Variants in RNF115 observed in about 807,000 individuals in gnomAD.
RNF115 encodes ring finger protein 115.
In RNF115, 31 loss-of-function variants were observed where a neutral mutation model predicts 39.2. The observed-to-expected ratio is 0.79, with a 90% CI of 0.59 to 1.07. The LOEUF (loss-of-function observed/expected upper bound fraction) is 1.07. RNF115 is among the 50% of genes least tolerant of loss of function. RNF115 has a pLI of 0.00. For synonymous variants in RNF115, 124 were observed against 131.0 expected, an observed-to-expected ratio of 0.95 and a Z score of 0.37; for missense variants, 384 against 381.7, an observed-to-expected ratio of 1.01 and a Z score of -0.05.
At position 145,741,173 on chromosome 1, in the gene RNF115, TTTC is replaced by T. The variant is rs1422474098; in HGVS notation, c.*5690_*5692del. ...TAATTTTTGGATCTTGAAAATTGTATTTCTTATTAGAAAAAGTAAAGAATCACA... is the reference window on the plus strand; with the variant it reads ...TAATTTTTGGATCTTGAAAATTGTATTTATTAGAAAAAGTAAAGAATCACA... On this transcript the variant is annotated 3_prime_UTR_variant, in exon 9 of 9. Coordinates refer to ENST00000582693, the MANE Select transcript of RNF115 (RefSeq NM_014455.4). 1 of 152,232 alleles carries T rather than the reference TTTC, an allele frequency of 6.6e-6. No homozygotes were observed. The allele number at this position is 152,232 out of a possible 1,614,324, so 9.4% of individuals were successfully genotyped here. A position where few individuals can be genotyped will look rare whatever the true frequency, so the allele number is the denominator to read the frequency against.
intron 2 of RNF115, chr1:145,787,186 C>T (rs782057554): frequency 4.5e-6 from 2 of 442,846 alleles, no homozygotes; most frequent in Admixed American, 2.9e-5. Flanking sequence ...AATTTTCAGA[C>T]GAATGTTTAA....
chr1:145,813,121 C>T (rs587775856), intron 1 of RNF115, among the ~76,000 whole-genome samples: 4 of 151,330 alleles, frequency 2.6e-5, no homozygotes, highest in African/African-American at 9.7e-5. Context: ...GATTCTTACA[C>T]TGCCTTTCAA....
At position 145,823,979 on chromosome 1, in the gene RNF115, C is replaced by T. The variant is rs922360896; in HGVS notation, c.-106G>A. 8.7e-4 allele frequency: 707 copies of T among 813,484 alleles called. No homozygotes were observed. The highest frequency in any genetic ancestry group is 1.1e-3 in the Non-Finnish European group (648 of 568,128). 50.4% of individuals were successfully genotyped at this position (813,484 alleles called of 1,614,324 possible). ...GCCGCCGCCGCCGCCTCGGTGCGGC[C>T]CACCGCTTCAGAGCCCGCGTCGGTC... On this transcript the variant is annotated 5_prime_UTR_variant, in exon 1 of 9. Coordinates refer to ENST00000582693, the MANE Select transcript of RNF115 (RefSeq NM_014455.4).
chr1:145,794,822 C>T (rs782582788), intron 1 of RNF115, among the ~76,000 whole-genome samples: 1 of 151,652 alleles, frequency 6.6e-6, no homozygotes, highest in South Asian at 2.1e-4. Flanking sequence ...TTGAGACTAT[C>T]CTGGCTAACA....
chr1:145,765,457 T>G (rs1259310747), intron 4 of RNF115, among the ~76,000 whole-genome samples: 1 of 151,448 alleles, frequency 6.6e-6, no homozygotes, highest in Non-Finnish European at 1.5e-5. Context: ...TGAAGTGAAA[T>G]ATGAGTAATT....
chr1:145,748,711 C>T (rs920246845), intron 7 of RNF115, among the ~76,000 whole-genome samples: 2 of 151,888 alleles, frequency 1.3e-5, no homozygotes, highest in African/African-American at 2.4e-5. Context: ...TGGTAAAAAC[C>T]CTGTCTCTAC....
chr1:145,751,638 A>C, intron 5 of RNF115, 128 bp from the exon 6 acceptor site: 2 of 548,112 alleles, frequency 3.6e-6, no homozygotes, highest in Admixed American at 6.3e-5. Context: ...TCCAGGATCA[A>C]GAGGCAAAGA....
At chr1:145,764,061 G>C (rs927211274) in intron 4 of RNF115, among the ~76,000 whole-genome samples, 1 of 152,146 alleles carries the variant, frequency 6.6e-6, no homozygotes, top group African/African-American at 2.4e-5. Context: ...TTGCAGGCGC[G>C]CGCCACCACG....
intron 1 of RNF115, among the ~76,000 whole-genome samples, chr1:145,812,271 T>C (rs1649762323): frequency 6.7e-6 from 1 of 150,308 alleles, no homozygotes; most frequent in Non-Finnish European, 1.5e-5. Context: ...GAGGTAAACA[T>C]TACCTTGTCT....
At chr1:145,767,008 T>A (rs1182385145) in intron 4 of RNF115, among the ~76,000 whole-genome samples, 6 of 96,882 alleles carry the variant, frequency 6.2e-5, no homozygotes, top group Non-Finnish European at 1.1e-4. Context: ...CACTTCCCAG[T>A]AGGGGTGGCC....
At chr1:145,806,004 C>T (rs1649443686) in intron 1 of RNF115, among the ~76,000 whole-genome samples, 1 of 152,156 alleles carries the variant, frequency 6.6e-6, no homozygotes, top group African/African-American at 2.4e-5. Context: ...GGCAAAAAGG[C>T]ATTTGCTCTA....
intron 5 of RNF115, 87 bp from the exon 6 acceptor site, chr1:145,751,597 TTCTC>T (rs1553712508): frequency 8.6e-6 from 7 of 813,172 alleles, no homozygotes; most frequent in South Asian, 3.4e-5. Context: ...AGGGATCCTG[TTCTC>T]TCTCAGAGCT....
At position 145,766,527 on chromosome 1, in the gene RNF115, G is replaced by A. The variant is rs1256385125; in HGVS notation, c.428+5184C>T. On this transcript the variant is annotated intron_variant, in intron 4 of 8. Coordinates refer to ENST00000582693, the MANE Select transcript of RNF115 (RefSeq NM_014455.4). The stretch of plus-strand genomic sequence containing the variant: ...CTGTTGAGTACACCTCCCAGACGGG[G>A]TGGTGGCCGGGCAGAGGGGCTCCTC... 4.3e-4 allele frequency among the ~76,000 whole-genome samples: 64 copies of A among 150,550 alleles called. No homozygotes were observed. The Middle Eastern group carries it at 0.01, about 25-fold the overall frequency.
chr1:145,822,089 GC>G (rs1650277440), intron 1 of RNF115, among the ~76,000 whole-genome samples: 1 of 152,244 alleles, frequency 6.6e-6, no homozygotes, highest in South Asian at 2.1e-4. Context: ...CACTCTGGGA[GC>G]CCGAGTCGGG....
chr1:145,784,748 T>C (rs782564641), intron 2 of RNF115, 152 bp from the exon 3 acceptor site: 23 of 623,698 alleles, frequency 3.7e-5, no homozygotes, highest in Non-Finnish European at 6.3e-5. Flanking sequence ...TATGAATAAC[T>C]GGCATGTGAA....
Position 145,750,504 on chromosome 1 carries a change from C to CA in RNF115, c.574-5dup, listed in dbSNP as rs782422582. The CA allele has an allele frequency of 1.9e-6, 3 of 1,611,426 alleles. No homozygotes were observed. The highest frequency in any genetic ancestry group is 1.7e-5 in the Admixed American group (1 of 59,816). ...TGTTTTCCAGTTGTCCTAAAAGCTA[C>CA]AAAAAAAGAGAAAGAAAAAGACGAA... On this transcript the variant is annotated splice_region_variant and splice_polypyrimidine_tract_variant and intron_variant, in intron 6 of 8. Coordinates refer to ENST00000582693, the MANE Select transcript of RNF115 (RefSeq NM_014455.4).
At chr1:145,797,448 T>G (rs1267078196) in intron 1 of RNF115, among the ~76,000 whole-genome samples, 1 of 152,180 alleles carries the variant, frequency 6.6e-6, no homozygotes, top group African/African-American at 2.4e-5. Context: ...TAACACAATA[T>G]CCTCAAGGTT....
intron 1 of RNF115, among the ~76,000 whole-genome samples, chr1:145,803,847 G>C (rs1233637256): frequency 1.3e-5 from 2 of 152,208 alleles, no homozygotes; most frequent in Non-Finnish European, 2.9e-5. Flanking sequence ...AGCTTGATCA[G>C]ATGGTCAAGA....
At chr1:145,759,161 A>T (rs1285173477) in intron 4 of RNF115, among the ~76,000 whole-genome samples, 1 of 152,172 alleles carries the variant, frequency 6.6e-6, no homozygotes, top group African/African-American at 2.4e-5. Flanking sequence ...ACTTCTAACC[A>T]TCGAGGGCCC....
Sources: gnomAD v4.1 joint callset for allele counts (sites outside exome capture counted in the v4.1 genomes callset) on GRCh38, gnomAD v4.1.1 for gene constraint, MANE v1.5 for transcripts, NCBI Gene and HGNC (gene_info 2026-07-23, HGNC 2026-07-21) for gene names.